SCAPER: variants seen among roughly 807,000 people sequenced by gnomAD.
The protein encoded by SCAPER is S phase cyclin A-associated protein in the endoplasmic reticulum.
Under a neutral mutation model 182.2 loss-of-function variants are expected in SCAPER, and 98 were observed. The ratio of observed to expected loss-of-function variants is 0.54; its 90% CI spans 0.46 to 0.64. The LOEUF is 0.64. SCAPER is among the 30% of genes least tolerant of loss of function. SCAPER has a pLI of 0.00. For missense variants in SCAPER, 1,432 were observed against 1,690.0 expected (o/e 0.85, Z 2.68); for synonymous variants, 605 against 564.6 (o/e 1.07, Z -1.01).
At chr15:76,359,142 C>T (rs879643612) in intron 29 of SCAPER, among the ~76,000 whole-genome samples, 4 of 152,176 alleles carry the variant, frequency 2.6e-5, no homozygotes, top group African/African-American at 4.8e-5. Flanking sequence ...AGTCTTCTCC[C>T]GCTAGACCTG....
At chr15:76,693,127 T>C in intron 20 of SCAPER, among the ~76,000 whole-genome samples, 1 of 152,130 alleles carries the variant, frequency 6.6e-6, no homozygotes, top group East Asian at 1.9e-4. Context: ...AAAACTGAGA[T>C]TGCATAAAAT....
chr15:76,841,754 G>T lies in SCAPER; in HGVS notation c.373C>A (p.Gln125Lys). The change falls in exon 5 of 32, where the codon CAG becomes AAG. Residue 125 changes from glutamine (Q) to lysine (K), a missense_variant. Physicochemically the swap from Gln to Lys is moderately conservative, Grantham distance 53. Transcript: ENST00000563290. Reference sequence around the variant, plus strand: ...CTTACCTTACATTCGACCACACTCTGATCTGATTCGCAAGTTACATAGATT... The same window carrying T: ...CTTACCTTACATTCGACCACACTCTTATCTGATTCGCAAGTTACATAGATT... ...DEIYVTCESD[Q>K]SVVECKEVLM... 1 of 1,613,816 alleles carries T rather than the reference G, an allele frequency of 6.2e-7. No individual in the cohort carries two copies. Among genetic ancestry groups the T allele is most frequent in the Non-Finnish European group, 8.5e-7 (1 of 1,179,852 alleles).
intron 23 of SCAPER, among the ~76,000 whole-genome samples, chr15:76,523,128 T>C (rs2042947634): frequency 6.6e-6 from 1 of 152,090 alleles, no homozygotes; most frequent in African/African-American, 2.4e-5. Context: ...ATATTGCTTA[T>C]ATTGCTTTAA....
intron 1 of SCAPER, among the ~76,000 whole-genome samples, chr15:76,902,122 G>A (rs555559759): frequency 1.3e-5 from 2 of 152,198 alleles, no homozygotes; most frequent in South Asian, 4.1e-4. Context: ...ACATGTTTGT[G>A]AAAAAGGTTA....
chr15:76,886,128 A>G (rs2073825144), intron 1 of SCAPER, among the ~76,000 whole-genome samples: 1 of 152,146 alleles, frequency 6.6e-6, no homozygotes, highest in Non-Finnish European at 1.5e-5. Context: ...TTGTACATGA[A>G]CCCCATAAAT....
intron 24 of SCAPER, among the ~76,000 whole-genome samples, chr15:76,502,466 G>A (rs1036722565): frequency 2.6e-5 from 4 of 151,736 alleles, no homozygotes; most frequent in East Asian, 1.9e-4. Flanking sequence ...GCAAACTATC[G>A]CAAGGATAGA....
intron 15 of SCAPER, among the ~76,000 whole-genome samples, chr15:76,733,746 T>A (rs1227721110): frequency 6.6e-6 from 1 of 150,956 alleles, no homozygotes; most frequent in East Asian, 1.9e-4. Flanking sequence ...AGAACAAGAC[T>A]CCATATCAAA....
At chr15:76,771,099 C>G (rs2063442053) in intron 10 of SCAPER, among the ~76,000 whole-genome samples, 1 of 152,042 alleles carries the variant, frequency 6.6e-6, no homozygotes, top group African/African-American at 2.4e-5. Context: ...TAATTTTTCA[C>G]AGCTTTTTAT....
intron 8 of SCAPER, chr15:76,793,252 A>G: frequency 9.4e-7 from 1 of 1,064,970 alleles, no homozygotes; most frequent in South Asian, 1.4e-5. Context: ...TGCAAAATAT[A>G]TATTTGGTCT....
chr15:76,355,853 G>C (rs2040924747), intron 29 of SCAPER, among the ~76,000 whole-genome samples: 1 of 152,224 alleles, frequency 6.6e-6, no homozygotes, highest in Non-Finnish European at 1.5e-5. Flanking sequence ...TACAGAGCGA[G>C]TTTACAGAGA....
chr15:76,527,217 G>A (rs962630404), intron 23 of SCAPER, among the ~76,000 whole-genome samples: 1 of 152,146 alleles, frequency 6.6e-6, no homozygotes, highest in Non-Finnish European at 1.5e-5. Context: ...AATTTTATCT[G>A]TTATAAATTC....
chr15:76,386,400 G>A (rs1379217438), intron 27 of SCAPER, among the ~76,000 whole-genome samples: 1 of 152,144 alleles, frequency 6.6e-6, no homozygotes, highest in Non-Finnish European at 1.5e-5. Flanking sequence ...CAACTATGTG[G>A]CAAGCCCTAT....
At chr15:76,489,893 GTAT>G (rs921238585) in intron 24 of SCAPER, among the ~76,000 whole-genome samples, 1 of 152,144 alleles carries the variant, frequency 6.6e-6, no homozygotes, top group Non-Finnish European at 1.5e-5. Flanking sequence ...AAATCATGGA[GTAT>G]TTGTCCTTGT....
intron 30 of SCAPER, among the ~76,000 whole-genome samples, chr15:76,353,340 AG>A (rs1235617822): frequency 4.6e-5 from 7 of 152,124 alleles, no homozygotes; most frequent in African/African-American, 1.7e-4. Context: ...AGGATGAGTT[AG>A]TTAGTAGCAA....
chr15:76,608,281 A>C (rs1400580184), intron 22 of SCAPER, among the ~76,000 whole-genome samples: 4 of 152,172 alleles, frequency 2.6e-5, no homozygotes, highest in African/African-American at 4.8e-5. Context: ...CTAGAGGTCC[A>C]CTCCAGACAC....
intron 21 of SCAPER, among the ~76,000 whole-genome samples, chr15:76,630,703 A>G (rs1472104965): frequency 6.6e-6 from 1 of 152,104 alleles, no homozygotes; most frequent in African/African-American, 2.4e-5. Context: ...CTGAGGAGTG[A>G]TTTATTTCCA....
At chr15:76,678,235 T>C (rs2057478432) in intron 20 of SCAPER, among the ~76,000 whole-genome samples, 1 of 152,122 alleles carries the variant, frequency 6.6e-6, no homozygotes, top group Non-Finnish European at 1.5e-5. Context: ...TAAAGGCTTA[T>C]TTCTTTAAAG....
intron 21 of SCAPER, among the ~76,000 whole-genome samples, chr15:76,649,282 A>T (rs1280011188): frequency 6.6e-6 from 1 of 152,146 alleles, no homozygotes; most frequent in Non-Finnish European, 1.5e-5. Context: ...GAATTTAAAA[A>T]GTAGCTGAGC....
At chr15:76,802,362 A>G (rs2065861852) in intron 6 of SCAPER, among the ~76,000 whole-genome samples, 1 of 152,066 alleles carries the variant, frequency 6.6e-6, no homozygotes, top group African/African-American at 2.4e-5. Context: ...TGTCACAAAG[A>G]CAATACAGCC....
Sources: gnomAD v4.1 joint callset for allele counts (sites outside exome capture counted in the v4.1 genomes callset) on GRCh38, gnomAD v4.1.1 for gene constraint, MANE v1.5 for transcripts, NCBI Gene and HGNC (gene_info 2026-07-23, HGNC 2026-07-21) for gene names.